The following WDR81 variants were observed in gnomAD, a reference collection of about 807,000 sequenced individuals.
WDR81 encodes the protein WD repeat-containing protein 81.
In WDR81, 92 loss-of-function variants were observed where a neutral mutation model predicts 140.8. The observed-to-expected ratio is 0.65, with a 90% CI of 0.55 to 0.78. The LOEUF is 0.78. Ranked by LOEUF, WDR81 falls within the 30% of genes least tolerant of loss-of-function variation. WDR81 has a pLI of 0.00. For synonymous variants in WDR81, 1,183 were observed against 1,156.4 expected (o/e 1.02, Z -0.47); for missense variants, 2,502 against 2,636.4 (o/e 0.95, Z 1.12).
Position 1,727,736 on chromosome 17 carries a change from C to T in WDR81, c.2777C>T (p.Pro926Leu). 1 of 1,550,680 alleles carries T rather than the reference C, an allele frequency of 6.4e-7. No homozygotes were observed. Among genetic ancestry groups the T allele is most frequent in the South Asian group, 1.2e-5 (1 of 84,070 alleles). Residue 926 changes from proline (P) to leucine (L), a missense_variant, in exon 1 of 10, where the codon CCC becomes CTC. By Grantham distance (98) the Pro-to-Leu change is moderately conservative. Transcript: ENST00000409644. ...CCTGAGGGCCTGGAGATCCTGCTGC[C>T]CTTCGTGCTCTCACTCATGTCCGAG... is the stretch of plus-strand genomic sequence containing the variant. The part of the protein sequence containing the change: ...ITPEGLEILL[P>L]FVLSLMSEEH...
chr17:1,725,442 G>C lies in WDR81; in HGVS notation c.483G>C (p.Pro161=), dbSNP rs1478627160. ...WRHAYHTYGQ[P]YSHSPAPSAV... The stretch of plus-strand genomic sequence containing the variant: ...ATGCATACCACACTTACGGCCAGCC[G>C]TACAGTCACAGCCCTGCCCCCTCAG... Residue 161 remains proline, a synonymous_variant, in exon 1 of 10, where the codon CCG becomes CCC. Transcript: ENST00000409644. 1.9e-6 allele frequency: 3 copies of C among 1,549,260 alleles called. No homozygotes were observed. In the East Asian group the frequency reaches 7.3e-5, roughly 38 times the overall value.
rs573214180 is a variant in WDR81 at position 1,737,888 on chromosome 17, G to A, written c.*203G>A. ...CACCAGAGCCACCAAGCCTGCCAGA[G>A]GGGTCTCATTCATGGCTTGGGGACA... On this transcript the variant is annotated 3_prime_UTR_variant, in exon 10 of 10. Coordinates refer to ENST00000409644, the MANE Select transcript of WDR81 (RefSeq NM_001163809.2). 3 of 665,638 alleles carry A rather than the reference G, an allele frequency of 4.5e-6. No homozygotes were observed. Among genetic ancestry groups the A allele is most frequent in the Non-Finnish European group, 7.5e-6 (3 of 399,008 alleles). 41.2% of individuals were successfully genotyped at this position (665,638 alleles called of 1,614,324 possible). A position where few individuals can be genotyped will look rare whatever the true frequency, so the allele number is the denominator to read the frequency against.
At position 1,726,838 on chromosome 17, in the gene WDR81, G is replaced by A. The variant is rs1236982669; in HGVS notation, c.1879G>A (p.Gly627Arg). The change falls in exon 1 of 10, where the codon GGA becomes AGA. Residue 627 changes from glycine to arginine, a missense_variant. By Grantham distance (125) the Gly-to-Arg change is moderately radical. Around this residue, in one of 3 missense-constraint regions of WDR81, gnomAD observed 1,737 missense variants for 1,843.0 expected, o/e 0.94. Coordinates refer to ENST00000409644, the MANE Select transcript of WDR81 (RefSeq NM_001163809.2). The part of the protein sequence containing the change: ...TGREDFTENP[G>R]QLPNGVGRPV... ...CCGGGAGGACTTCACGGAAAACCCG[G>A]GACAGCTTCCAAATGGAGTGGGCCG... The A allele has an allele frequency of 6.5e-7, 1 of 1,550,118 alleles. No individual in the cohort carries two copies. Among genetic ancestry groups the A allele is most frequent in the African/African-American group, 1.4e-5 (1 of 73,170 alleles).
At chr17:1,733,014 G>A in intron 6 of WDR81, 183 bp downstream of exon 6, 4 of 716,698 alleles carry the variant, frequency 5.6e-6, no homozygotes, top group Non-Finnish European at 8.6e-6. Context: ...GGACTGAGCA[G>A]TAGCCAGCAA....
At position 1,735,289 on chromosome 17, in the gene WDR81, C is replaced by G. The variant is rs972951839; in HGVS notation, c.5180-283C>G. 6.6e-6 allele frequency among the ~76,000 whole-genome samples: 1 copy of G among 152,118 alleles called. No individual in the cohort carries two copies. Among genetic ancestry groups the G allele is most frequent in the Non-Finnish European group, 1.5e-5 (1 of 68,032 alleles). ...CCAAAAATACAAAAAATTAGCCAGGCGTGGTGGCGGACGCCTGTAGTCCCA... is the reference window on the plus strand; with the variant it reads ...CCAAAAATACAAAAAATTAGCCAGGGGTGGTGGCGGACGCCTGTAGTCCCA... On this transcript the variant is annotated intron_variant, in intron 7 of 9. Transcript: ENST00000409644. The surrounding 1 kb of genome is among the most constrained non-coding windows in gnomAD (Gnocchi z 4.2).
intron 1 of WDR81, chr17:1,716,915 TG>T: frequency 3.6e-6 from 2 of 549,522 alleles, no homozygotes; most frequent in Admixed American, 3.4e-5. Context: ...CCACTCCTCC[TG>T]GGGGCTCTTC....
chr17:1,732,803 A>C lies in WDR81; in HGVS notation c.4461A>C (p.Thr1487=). The change falls in exon 6 of 10, where the codon ACA becomes ACC. Residue 1487 remains threonine, a synonymous_variant. Transcript: ENST00000409644. ...QKVFTLEMAY[T]IYVPFSCLLG... is the part of the protein sequence containing the mutation. ...TGTTCACCCTGGAGATGGCATACAC[A>C]ATCTACGTGCCCTTCTCCTGCCTGT... 3.1e-6 allele frequency: 5 copies of C among 1,612,166 alleles called. No individual in the cohort carries two copies. The highest frequency in any genetic ancestry group is 4.2e-6 in the Non-Finnish European group (5 of 1,179,348).
rs1480398154 is a variant in WDR81, at chr17:1,728,253, G to C, written c.3294G>C (p.Gln1098His). ...ATGTGACTGAGTCTCCCCAGCCCCA[G>C]GAGGCTGAGGCTGTGAGCCTGGGCC... Reference protein sequence around the residue: ...GLYVTESPQPQEAEAVSLGRL... With the variant: ...GLYVTESPQPHEAEAVSLGRL... Residue 1098 changes from glutamine to histidine, a missense_variant, in exon 1 of 10, where the codon CAG (glutamine) becomes CAC (histidine). By Grantham distance (24) the Gln-to-His change is conservative. This residue lies in a region of WDR81 where 1,737 missense variants were observed against 1,843.0 expected (regional missense o/e 0.94). Coordinates refer to ENST00000409644, the MANE Select transcript of WDR81 (RefSeq NM_001163809.2). The C allele has an allele frequency of 6.2e-7, 1 of 1,611,826 alleles. No individual in the cohort carries two copies.
In WDR81 at chr17:1,725,887, G is replaced by C. The variant is rs763899058; in HGVS notation, c.928G>C (p.Glu310Gln). 1.9e-6 allele frequency: 3 copies of C among 1,550,770 alleles called. No individual in the cohort carries two copies. The highest frequency in any genetic ancestry group is 2.7e-5 in the African/African-American group (2 of 73,052). ...GGACCTGAGTGCTTATGAGAGGCCC[G>C]AGGAGGACGAGAATGAGGAGGCCCC... ...RLDLSAYERP[E>Q]EDENEEAPVA... Residue 310 changes from glutamate (E) to glutamine (Q), a missense_variant, in exon 1 of 10, where the codon GAG (glutamate) becomes CAG (glutamine). Around this residue, in one of 3 missense-constraint regions of WDR81, gnomAD observed 547 missense variants for 513.8 expected, o/e 1.06. Coordinates refer to ENST00000409644, the MANE Select transcript of WDR81 (RefSeq NM_001163809.2).
At chr17:1,716,945 T>A (rs1296065002) in intron 1 of WDR81, 2 of 486,270 alleles carry the variant, frequency 4.1e-6, no homozygotes, top group African/African-American at 3.9e-5. Flanking sequence ...AGGAGGCTTT[T>A]TTTCTTGGAT....
Position 1,735,534 on chromosome 17 carries a change from T to A in WDR81, c.5180-38T>A, listed in dbSNP as rs1302523234. 3.9e-6 allele frequency: 6 copies of A among 1,547,858 alleles called. No homozygotes were observed. In the African/African-American group the frequency reaches 8.2e-5, roughly 21 times the overall value. The stretch of plus-strand genomic sequence containing the variant: ...AAGCTCCCAGGGCTCTTCCGTCAGC[T>A]GCTGGGACCCCAGATCCACTGTGAC... On this transcript the variant is annotated intron_variant, in intron 7 of 9. Coordinates refer to ENST00000409644, the MANE Select transcript of WDR81 (RefSeq NM_001163809.2). This position sits in a 1 kb window ranked among gnomAD's most constrained non-coding sequence, Gnocchi z 4.2.
chr17:1,730,759 C>T lies in WDR81; in HGVS notation c.3780C>T (p.Pro1260=), dbSNP rs1915639103. The change falls in exon 3 of 10, where the codon CCC becomes CCT. Residue 1260 remains proline (P), a synonymous_variant. Coordinates refer to ENST00000409644, the MANE Select transcript of WDR81 (RefSeq NM_001163809.2). ...LRLLTSCYVG[P]TRQQFTVSSG... The stretch of plus-strand genomic sequence containing the variant: ...CTGCTGGCCCTTCCGTGGCAGGACC[C>T]ACTCGGCAGCAGTTCACAGTGAGCA... 2 of 1,606,798 alleles carry T rather than the reference C, an allele frequency of 1.2e-6. No homozygotes were observed. Among genetic ancestry groups the T allele is most frequent in the East Asian group, 2.2e-5 (1 of 44,714 alleles).
Position 1,725,037 on chromosome 17 carries a change from C to T in WDR81, c.78C>T (p.Asp26=), listed in dbSNP as rs1416897410. ...AGGWHSPPSP[D]MQELLRSVER... is the part of the protein sequence containing the mutation. ...GCTGGCATTCCCCGCCAAGCCCAGA[C>T]ATGCAGGAGCTGCTCCGGAGCGTGG... Residue 26 remains aspartate, a synonymous_variant, in exon 1 of 10, where the codon GAC becomes GAT. Coordinates refer to ENST00000409644, the MANE Select transcript of WDR81 (RefSeq NM_001163809.2). 1.4e-6 allele frequency: 2 copies of T among 1,472,270 alleles called. No individual in the cohort carries two copies. The highest frequency in any genetic ancestry group is 2.8e-5 in the South Asian group (2 of 72,426). 91.2% of individuals were successfully genotyped at this position (1,472,270 alleles called of 1,614,324 possible).
Position 1,736,155 on chromosome 17 carries a change from C to T in WDR81, c.5442C>T (p.Asp1814=), listed in dbSNP as rs1438867488. Residue 1814 remains aspartate (D), a synonymous_variant, in exon 9 of 10, where the codon GAC becomes GAT. Coordinates refer to ENST00000409644, the MANE Select transcript of WDR81 (RefSeq NM_001163809.2). The stretch of plus-strand genomic sequence containing the variant: ...CCTCAGGCTTCATGGTGCTCCTGGA[C>T]ACCCGCACAGGCCTGGTTCTGCGAG... ...GFSSGFMVLL[D]TRTGLVLRGW... 1.9e-6 allele frequency: 3 copies of T among 1,601,640 alleles called. No individual in the cohort carries two copies. The highest frequency in any genetic ancestry group is 2.5e-6 in the Non-Finnish European group (3 of 1,179,826).
At chr17:1,724,358 C>T (rs1241618191), upstream of WDR81, among the ~76,000 whole-genome samples, 2 of 152,192 alleles carry the variant, frequency 1.3e-5, no homozygotes, top group African/African-American at 4.8e-5. Flanking sequence ...AGCAAGACTC[C>T]GTCTCAAAAA....
At position 1,727,068 on chromosome 17, in the gene WDR81, G is replaced by C; in HGVS notation, c.2109G>C (p.Arg703Ser). 1 of 1,550,008 alleles carries C rather than the reference G, an allele frequency of 6.5e-7. No individual in the cohort carries two copies. The highest frequency in any genetic ancestry group is 8.7e-7 in the Non-Finnish European group (1 of 1,146,752). ...SVASASRPGR[R>S]NKAAGADPGE... ...CCTCAGCCTCCCGTCCAGGCCGCAG[G>C]AATAAAGCTGCTGGGGCAGACCCTG... is the stretch of plus-strand genomic sequence containing the variant. The change falls in exon 1 of 10, where the codon AGG (arginine) becomes AGC (serine). Residue 703 changes from arginine to serine, a missense_variant. Physicochemically the swap from Arg to Ser is moderately radical, Grantham distance 110. Around this residue, in one of 3 missense-constraint regions of WDR81, gnomAD observed 1,737 missense variants for 1,843.0 expected, o/e 0.94. Transcript: ENST00000409644.
In WDR81 at chr17:1,737,612, GC is replaced by G; in HGVS notation, c.5755del (p.Leu1919TrpfsTer48). On this transcript the variant is annotated frameshift_variant, in exon 10 of 10. Transcript: ENST00000409644. LOFTEE classifies it high-confidence loss of function. ...GAGAACTTCCGCGGCACGCTCACCA[GC>G]CTGGCCTTGCTGCCCACTAAACGCC... ...SSENFRGTLT[S>X]LALLPTKRHL... is the part of the protein sequence containing the mutation. 1 of 1,612,710 alleles carries G rather than the reference GC, an allele frequency of 6.2e-7. No homozygotes were observed.
chr17:1,730,119 T>A (rs978262034), intron 1 of WDR81, among the ~76,000 whole-genome samples: 3 of 150,882 alleles, frequency 2.0e-5, no homozygotes, highest in African/African-American at 7.3e-5. Context: ...TGTTAAGGAG[T>A]TTCAGAAGAC....
chr17:1,719,790 C>G (rs576470980), upstream of WDR81, among the ~76,000 whole-genome samples: 1 of 151,918 alleles, frequency 6.6e-6, no homozygotes, highest in South Asian at 2.1e-4. Context: ...ATTGCTTGAG[C>G]TCAGGAGTTC....
Sources: gnomAD v4.1 joint callset for allele counts (sites outside exome capture counted in the v4.1 genomes callset) on GRCh38, gnomAD v4.1.1 for gene constraint, gnomAD v4.1.1 regional missense constraint, Gnocchi (gnomAD v3.1) non-coding constraint, MANE v1.5 for transcripts, NCBI Gene and HGNC (gene_info 2026-07-23, HGNC 2026-07-21) for gene names.